DHX8: variants seen among roughly 807,000 people sequenced by gnomAD.
DHX8 encodes DEAH-box helicase 8.
A neutral mutation model predicts 140.7 loss-of-function variants in DHX8; 67 were observed. The ratio of observed to expected loss-of-function variants is 0.48; its 90% CI spans 0.39 to 0.58. The LOEUF (loss-of-function observed/expected upper bound fraction) is 0.58, where lower values mean the gene tolerates loss of function less well. Ranked by LOEUF, DHX8 falls within the 20% of genes least tolerant of loss-of-function variation. DHX8 has a pLI of 0.00. For missense variants in DHX8, 887 were observed against 1,550.7 expected, an observed-to-expected ratio of 0.57 and a Z score of 7.19; for synonymous variants, 533 against 553.2, an observed-to-expected ratio of 0.96 and a Z score of 0.51.
intron 17 of DHX8, among the ~76,000 whole-genome samples, chr17:43,515,228 G>A (rs1326036873): frequency 6.6e-6 from 1 of 152,038 alleles, no homozygotes; most frequent in East Asian, 1.9e-4. Flanking sequence ...TTGCTCTGTC[G>A]CCCAGTTTGG....
intron 2 of DHX8, chr17:43,534,020 C>A: frequency 6.8e-7 from 1 of 1,479,434 alleles, no homozygotes; most frequent in Non-Finnish European, 8.9e-7. Flanking sequence ...AAGGCCAGAG[C>A]CTGTCACACA....
chr17:43,543,666 G>A (rs1971643159), intron 3 of DHX8, among the ~76,000 whole-genome samples: 1 of 152,160 alleles, frequency 6.6e-6, no homozygotes, highest in African/African-American at 2.4e-5. Context: ...TGGGGAGACG[G>A]GGCAAAGCTC....
intron 10 of DHX8, among the ~76,000 whole-genome samples, chr17:43,499,584 C>A (rs1969065421): frequency 1.3e-5 from 2 of 152,146 alleles, no homozygotes; most frequent in Admixed American, 1.3e-4. Context: ...ATCGCTAGTT[C>A]TTCTTTAGGC....
At chr17:43,526,741 C>T (rs1970632820), downstream of DHX8, 3 of 1,363,306 alleles carry the variant, frequency 2.2e-6, no homozygotes, top group Non-Finnish European at 2.9e-6. Flanking sequence ...ACCTTCTTCC[C>T]ACCACGATAG....
chr17:43,512,433 T>A (rs1969895417), intron 16 of DHX8, among the ~76,000 whole-genome samples: 1 of 149,912 alleles, frequency 6.7e-6, no homozygotes, highest in Non-Finnish European at 1.5e-5. Flanking sequence ...GTTAAAGAGT[T>A]AAAATGGACA....
exon 3 of DHX8, chr17:43,536,478 A>G (rs1199203171): frequency 1.2e-6 from 2 of 1,614,206 alleles, no homozygotes; most frequent in Admixed American, 3.3e-5. Context: ...CTGGTACCTG[A>G]GCTGCAGAGA....
At chr17:43,498,077 A>G (rs1968964932) in intron 9 of DHX8, among the ~76,000 whole-genome samples, 1 of 150,984 alleles carries the variant, frequency 6.6e-6, no homozygotes, top group Non-Finnish European at 1.5e-5. Flanking sequence ...ATGGCTGGTG[A>G]TGGGGGAATA....
intron 16 of DHX8, among the ~76,000 whole-genome samples, chr17:43,511,279 G>A (rs915185274): frequency 4.6e-5 from 7 of 152,002 alleles, no homozygotes; most frequent in Non-Finnish European, 7.4e-5. Context: ...TCAGTGAGCC[G>A]AGATCGTGCC....
rs1970150762 is a variant in DHX8 at position 43,517,073 on chromosome 17, A to G, written c.2644-94A>G. ...AATCAACCCCATTTCTGATTTTGCC[A>G]GTTGTTAATTGTCCCCCTTTTAACA... On this transcript the variant is annotated intron_variant, in intron 17 of 22. Coordinates refer to ENST00000262415, the MANE Select transcript of DHX8 (RefSeq NM_004941.3). The G allele has an allele frequency of 6.7e-6, 9 of 1,343,170 alleles. No homozygotes were observed. In the South Asian group the frequency reaches 7.9e-5, roughly 12 times the overall value. The allele number at this position is 1,343,170 out of a possible 1,614,324, so 83.2% of individuals were successfully genotyped here.
downstream of DHX8, chr17:43,544,796 T>C (rs191655507): frequency 3.3e-6 from 2 of 598,306 alleles, no homozygotes; most frequent in Non-Finnish European, 6.1e-6. Flanking sequence ...TCAATATAAG[T>C]GTCCACGCTG....
intron 16 of DHX8, 129 bp from the exon 17 acceptor site, chr17:43,513,233 C>T: frequency 1.0e-6 from 1 of 1,003,536 alleles, no homozygotes; most frequent in South Asian, 2.3e-5. Context: ...GATTAAGTGT[C>T]ATTTTAACCG....
intron 1 of DHX8, among the ~76,000 whole-genome samples, chr17:43,484,815 A>C (rs1968035916): frequency 1.3e-5 from 2 of 151,476 alleles, no homozygotes; most frequent in Non-Finnish European, 2.9e-5. Flanking sequence ...CTCATTTTTA[A>C]ATTTTTTGTA....
downstream of DHX8, chr17:43,526,073 G>A (rs1462600926): frequency 2.0e-6 from 2 of 985,254 alleles, no homozygotes; most frequent in African/African-American, 3.5e-5. Context: ...GCTGGGTTCT[G>A]ACCTTTTGAC....
chr17:43,523,124 A>C (rs1970467044), intron 22 of DHX8, among the ~76,000 whole-genome samples: 1 of 152,036 alleles, frequency 6.6e-6, no homozygotes, highest in Admixed American at 6.5e-5. Flanking sequence ...AAAAAAAAAA[A>C]CTTGTTTTAA....
intron 13 of DHX8, 120 bp downstream of exon 13, chr17:43,507,317 G>A (rs1969549712): frequency 8.3e-7 from 1 of 1,208,060 alleles, no homozygotes; most frequent in African/African-American, 1.5e-5. Flanking sequence ...GGGAGAGAGG[G>A]TTCCCATTGT....
chr17:43,533,174 C>T (rs1386567082), intron 2 of DHX8: 6 of 1,612,848 alleles, frequency 3.7e-6, no homozygotes, highest in East Asian at 2.2e-5. Context: ...AGTGGGTTTC[C>T]CTGTCTCCTT....
Position 43,492,927 on chromosome 17 carries a change from G to A in DHX8, c.750G>A (p.Arg250=). ...GAGAGCGGAATCTGGATAGATGGCG[G>A]GATAAGCATGTGGACCGCCCTCCTC... ...KYGERNLDRW[R]DKHVDRPPPE... Residue 250 remains arginine (R), a synonymous_variant, in exon 6 of 23, where the codon CGG becomes CGA. Transcript: ENST00000262415. 6.2e-7 allele frequency: 1 copy of A among 1,614,196 alleles called. No individual in the cohort carries two copies. The highest frequency in any genetic ancestry group is 8.5e-7 in the Non-Finnish European group (1 of 1,180,050).
At chr17:43,489,660 A>G in intron 2 of DHX8, 126 bp downstream of exon 2, 10 of 596,310 alleles carry the variant, frequency 1.7e-5, no homozygotes, top group Non-Finnish European at 2.3e-5. Flanking sequence ...GCGCCACCTC[A>G]GCTCACTGCA....
chr17:43,506,529 G>T (rs1014848433), intron 12 of DHX8, among the ~76,000 whole-genome samples: 13 of 151,100 alleles, frequency 8.6e-5, no homozygotes, highest in Non-Finnish European at 7.4e-5. Context: ...TGAGGCAGGA[G>T]AATCACTTGA....
Sources: allele counts gnomAD v4.1 joint callset (sites outside exome capture counted in the v4.1 genomes callset), GRCh38; gene constraint gnomAD v4.1.1; transcripts MANE v1.5; gene names NCBI Gene and HGNC (gene_info 2026-07-23, HGNC 2026-07-21).